Variants in LAMA2 observed in about 807,000 individuals in gnomAD.
The protein encoded by LAMA2 is laminin subunit alpha 2, also known as laminin subunit alpha-2.
Under a neutral mutation model 364.8 loss-of-function variants are expected in LAMA2, and 269 were observed. That is an observed-to-expected ratio of 0.74 (90% CI 0.67 to 0.82). LAMA2 has a LOEUF of 0.82. LAMA2 is among the 40% of genes least tolerant of loss of function. LAMA2 has a pLI of 0.00. For synonymous variants in LAMA2, 1,379 were observed against 1,370.6 expected, an observed-to-expected ratio of 1.01 and a Z score of -0.14; for missense variants, 3,807 against 3,873.2, an observed-to-expected ratio of 0.98 and a Z score of 0.45.
intron 1 of LAMA2, among the ~76,000 whole-genome samples, chr6:128,938,215 T>C (rs1779945925): frequency 6.6e-6 from 1 of 152,068 alleles, no homozygotes; most frequent in Non-Finnish European, 1.5e-5. Flanking sequence ...TAAAAATGAG[T>C]AATACAGTGA....
At chr6:129,446,240 A>G (rs1782367269) in intron 45 of LAMA2, among the ~76,000 whole-genome samples, 1 of 151,998 alleles carries the variant, frequency 6.6e-6, no homozygotes, top group Admixed American at 6.6e-5. Context: ...GAATAAGAGC[A>G]AAGAGAAACA....
rs563997006 is a variant in LAMA2 at position 129,416,132 on chromosome 6, G to A, written c.5866-11620G>A. Reference sequence around the variant, plus strand: ...CCCGGCTAATTTTTTTGTATTTTTAGTAGAGACGGGGTTTCACCGTTTTAG... The same window carrying A: ...CCCGGCTAATTTTTTTGTATTTTTAATAGAGACGGGGTTTCACCGTTTTAG... On this transcript the variant is annotated intron_variant, in intron 40 of 64. Coordinates refer to ENST00000421865, the MANE Select transcript of LAMA2 (RefSeq NM_000426.4). Among the ~76,000 whole-genome samples, 34 of 81,278 alleles carry A rather than the reference G, an allele frequency of 4.2e-4. 7 individuals are homozygous for A. The highest frequency in any genetic ancestry group is 2.0e-3 in the African/African-American group (34 of 16,680). 53.3% of individuals were successfully genotyped at this position (81,278 alleles called of 152,430 possible).
intron 40 of LAMA2, among the ~76,000 whole-genome samples, chr6:129,410,284 A>G (rs906286791): frequency 6.6e-6 from 1 of 151,814 alleles, no homozygotes; most frequent in Non-Finnish European, 1.5e-5. Context: ...ACTTTGATGT[A>G]GAAAATTTAG....
intron 12 of LAMA2, among the ~76,000 whole-genome samples, chr6:129,242,364 T>A (rs557750463): frequency 1.3e-5 from 2 of 152,302 alleles, no homozygotes; most frequent in South Asian, 4.1e-4. Flanking sequence ...CATTTTCTTT[T>A]TATTCATTTG....
At chr6:129,290,423 G>A (rs200673924) in intron 19 of LAMA2, among the ~76,000 whole-genome samples, 3 of 152,136 alleles carry the variant, frequency 2.0e-5, no homozygotes, top group East Asian at 3.8e-4. Flanking sequence ...AGACACTGAA[G>A]ACAAACTTTG....
At chr6:128,921,126 G>A (rs1778683657) in intron 1 of LAMA2, among the ~76,000 whole-genome samples, 1 of 152,134 alleles carries the variant, frequency 6.6e-6, no homozygotes, top group Non-Finnish European at 1.5e-5. Flanking sequence ...TTCAGTATAA[G>A]TATAGATAGG....
chr6:128,889,775 A>G (rs538231087), intron 1 of LAMA2, among the ~76,000 whole-genome samples: 1 of 152,342 alleles, frequency 6.6e-6, no homozygotes, highest in South Asian at 2.1e-4. Context: ...AGTTAAAGCT[A>G]AAGACATTTG....
chr6:129,075,215 T>C (rs1377049040), intron 3 of LAMA2, among the ~76,000 whole-genome samples: 1 of 151,970 alleles, frequency 6.6e-6, no homozygotes, highest in Non-Finnish European at 1.5e-5. Flanking sequence ...CATAGAAAAA[T>C]CTGGGTAGAG....
intron 58 of LAMA2, among the ~76,000 whole-genome samples, chr6:129,495,554 G>T (rs956153147): frequency 2.0e-5 from 3 of 151,994 alleles, no homozygotes; most frequent in African/African-American, 7.3e-5. Context: ...TCCAAATCGG[G>T]TACCATATTC....
At chr6:129,441,059 C>A in intron 43 of LAMA2, 61 bp downstream of exon 43, 3 of 1,435,872 alleles carry the variant, frequency 2.1e-6, no homozygotes, top group East Asian at 2.3e-5. Context: ...AAAAGTATCC[C>A]AGACCTGTAA....
chr6:129,286,144 T>G (rs1350295661), intron 18 of LAMA2, among the ~76,000 whole-genome samples: 1 of 152,154 alleles, frequency 6.6e-6, no homozygotes, highest in Non-Finnish European at 1.5e-5. Context: ...TGACTGCATA[T>G]CTGTGAGTAG....
intron 12 of LAMA2, among the ~76,000 whole-genome samples, chr6:129,216,541 A>T (rs1342502270): frequency 2.6e-5 from 4 of 152,228 alleles, no homozygotes; most frequent in African/African-American, 9.6e-5. Flanking sequence ...TCCTTGAATT[A>T]TATGATAATC....
chr6:129,104,196 C>T (rs1433668250), intron 4 of LAMA2, among the ~76,000 whole-genome samples: 1 of 152,070 alleles, frequency 6.6e-6, no homozygotes, highest in Non-Finnish European at 1.5e-5. Context: ...CAGGGTCTTG[C>T]TATGTTGCCC....
intron 22 of LAMA2, among the ~76,000 whole-genome samples, chr6:129,308,193 G>A (rs1258703760): frequency 6.6e-6 from 1 of 152,154 alleles, no homozygotes; most frequent in Non-Finnish European, 1.5e-5. Context: ...AAATGCAAGA[G>A]AGCTACATTT....
At chr6:129,492,940 G>A (rs1490077610) in intron 58 of LAMA2, among the ~76,000 whole-genome samples, 1 of 152,186 alleles carries the variant, frequency 6.6e-6, no homozygotes, top group Non-Finnish European at 1.5e-5. Context: ...GATTGCCTGA[G>A]CTCAGGAGTT....
intron 16 of LAMA2, among the ~76,000 whole-genome samples, chr6:129,269,576 C>A (rs1315127302): frequency 6.6e-6 from 1 of 151,918 alleles, no homozygotes; most frequent in East Asian, 1.9e-4. Context: ...TTAGAAATAC[C>A]ATTTTCAACA....
In LAMA2 at chr6:129,270,501, T is replaced by C. The variant is rs1481009825; in HGVS notation, c.2323-123T>C. The C allele has an allele frequency of 1.4e-5, 13 of 958,680 alleles. No individual in the cohort carries two copies. In the East Asian group the frequency reaches 3.2e-4, roughly 24 times the overall value. 59.4% of individuals were successfully genotyped at this position (958,680 alleles called of 1,614,324 possible). A position where few individuals can be genotyped will look rare whatever the true frequency, so the allele number is the denominator to read the frequency against. On this transcript the variant is annotated intron_variant, in intron 16 of 64. Coordinates refer to ENST00000421865, the MANE Select transcript of LAMA2 (RefSeq NM_000426.4). ...TATTTCTCTGCTGTAAAATTGACCA[T>C]TTAACATGGAAAAATTATTCTTGCT...
chr6:129,041,593 T>C (rs960538957), intron 1 of LAMA2, among the ~76,000 whole-genome samples: 1 of 152,236 alleles, frequency 6.6e-6, no homozygotes, highest in African/African-American at 2.4e-5. Flanking sequence ...AGATAAATCT[T>C]ACATATGTGT....
At chr6:129,175,346 A>T (rs910386410) in intron 9 of LAMA2, among the ~76,000 whole-genome samples, 4 of 152,226 alleles carry the variant, frequency 2.6e-5, no homozygotes, top group African/African-American at 7.2e-5. Context: ...AATAGTGTCT[A>T]TCTCATATAG....
Sources: allele counts gnomAD v4.1 joint callset (sites outside exome capture counted in the v4.1 genomes callset), GRCh38; gene constraint gnomAD v4.1.1; transcripts MANE v1.5; gene names NCBI Gene and HGNC (gene_info 2026-07-23, HGNC 2026-07-21).